The following MARCHF1 variants were observed in gnomAD, a reference collection of about 807,000 sequenced individuals.
MARCHF1 encodes the protein membrane associated ring-CH-type finger 1, also known as E3 ubiquitin-protein ligase MARCHF1.
MARCHF1 carries 40 observed loss-of-function variants against 54.2 expected under a neutral mutation model. That is an observed-to-expected ratio of 0.74 (90% confidence interval 0.57 to 0.96). The LOEUF (loss-of-function observed/expected upper bound fraction) is 0.96, where lower values mean the gene tolerates loss of function less well. Among genes scored for constraint, MARCHF1 ranks in the 40% least tolerant of loss-of-function variants. MARCHF1 has a pLI of 0.00. For synonymous variants in MARCHF1, 236 were observed against 236.3 expected (o/e 1.00, Z 0.01); for missense variants, 586 against 656.5 (o/e 0.89, Z 1.17).
chr4:164,362,057 A>G (rs1252121350), intron 1 of MARCHF1, among the ~76,000 whole-genome samples: 1 of 152,110 alleles, frequency 6.6e-6, no homozygotes, highest in Non-Finnish European at 1.5e-5. Context: ...TTTTTCCCTC[A>G]GTAAACACCA....
intron 4 of MARCHF1, among the ~76,000 whole-genome samples, chr4:163,802,873 T>C (rs555975383): frequency 6.6e-6 from 1 of 152,246 alleles, no homozygotes; most frequent in South Asian, 2.1e-4. Flanking sequence ...TTACAGAGAG[T>C]TATTATCCTG....
chr4:163,583,288 A>C (rs927168977), intron 8 of MARCHF1, among the ~76,000 whole-genome samples: 5 of 152,242 alleles, frequency 3.3e-5, no homozygotes, highest in Non-Finnish European at 5.9e-5. Flanking sequence ...ACAAATTCAC[A>C]TGGATGGAGT....
chr4:163,556,002 A>G (rs74720848), intron 8 of MARCHF1: 7,247 of 456,106 alleles, frequency 0.016, 90 homozygotes, highest in Non-Finnish European at 0.019. Flanking sequence ...AAAAGCTTTT[A>G]AAAATACCCA....
intron 1 of MARCHF1, among the ~76,000 whole-genome samples, chr4:164,135,759 CTGA>C (rs1333173676): frequency 6.6e-6 from 1 of 152,180 alleles, no homozygotes; most frequent in East Asian, 1.9e-4. Context: ...GCATTTGATA[CTGA>C]TGGAGATAAT....
intron 4 of MARCHF1, among the ~76,000 whole-genome samples, chr4:163,726,605 A>G (rs1052189666): frequency 2.6e-5 from 4 of 152,096 alleles, no homozygotes; most frequent in Non-Finnish European, 4.4e-5. Flanking sequence ...TACATTTTCA[A>G]CTCATTTGGG....
At chr4:164,194,641 T>A (rs1388369587) in intron 1 of MARCHF1, among the ~76,000 whole-genome samples, 1 of 152,120 alleles carries the variant, frequency 6.6e-6, no homozygotes. Flanking sequence ...TAATATCAAA[T>A]GTTAAGGTCA....
intron 8 of MARCHF1, among the ~76,000 whole-genome samples, chr4:163,565,973 A>C (rs1019362650): frequency 2.0e-5 from 3 of 152,238 alleles, no homozygotes; most frequent in African/African-American, 7.2e-5. Flanking sequence ...ATTTATCTAT[A>C]AAGTATTAAG....
intron 2 of MARCHF1, among the ~76,000 whole-genome samples, chr4:164,008,928 C>A (rs1268943793): frequency 4.6e-5 from 7 of 151,194 alleles, no homozygotes; most frequent in African/African-American, 1.5e-4. Context: ...GAATAAAAAA[C>A]CCAATTAGTA....
chr4:164,339,396 G>A (rs1215235212), intron 1 of MARCHF1, among the ~76,000 whole-genome samples: 2 of 152,082 alleles, frequency 1.3e-5, no homozygotes, highest in Non-Finnish European at 2.9e-5. Flanking sequence ...ACAATAATAT[G>A]AAACTAGAAA....
Position 163,527,715 on chromosome 4 carries a change from A to G in MARCHF1, c.*1033T>C, listed in dbSNP as rs1201623085. On this transcript the variant is annotated 3_prime_UTR_variant, in exon 10 of 10. Transcript: ENST00000514618. ...AAATAAAGCAGAAGCTTAGTCTCTA[A>G]TTTTACGGCTGTGCTATCCAATATA... is the stretch of plus-strand genomic sequence containing the variant. 3 of 151,902 alleles carry G rather than the reference A, an allele frequency of 2.0e-5. No homozygotes were observed. The highest frequency in any genetic ancestry group is 6.6e-5 in the Admixed American group (1 of 15,178). The allele number at this position is 151,902 out of a possible 1,614,324, so 9.4% of individuals were successfully genotyped here.
chr4:163,793,853 G>C (rs1008103861), intron 4 of MARCHF1, among the ~76,000 whole-genome samples: 10 of 152,068 alleles, frequency 6.6e-5, no homozygotes, highest in Non-Finnish European at 1.2e-4. Context: ...GACCCCCTTA[G>C]AGCTGTGAGC....
intron 1 of MARCHF1, among the ~76,000 whole-genome samples, chr4:164,333,695 T>A (rs1427897169): frequency 6.6e-6 from 1 of 152,234 alleles, no homozygotes; most frequent in African/African-American, 2.4e-5. Flanking sequence ...CAATGGCCTC[T>A]AAGTGTTTAA....
chr4:163,711,997 C>T (rs1745121467), intron 4 of MARCHF1, among the ~76,000 whole-genome samples: 1 of 152,078 alleles, frequency 6.6e-6, no homozygotes, highest in Admixed American at 6.6e-5. Context: ...CATATTTTAT[C>T]AGAGTCTGCA....
intron 4 of MARCHF1, among the ~76,000 whole-genome samples, chr4:163,702,367 C>T (rs922834196): frequency 2.6e-5 from 4 of 152,278 alleles, no homozygotes; most frequent in Non-Finnish European, 4.4e-5. Context: ...CTTTCCTTCT[C>T]AGTGAAATTT....
intron 5 of MARCHF1, among the ~76,000 whole-genome samples, chr4:163,641,877 T>C (rs1742567183): frequency 6.6e-6 from 1 of 152,154 alleles, no homozygotes; most frequent in African/African-American, 2.4e-5. Context: ...CCTAATTTCT[T>C]TGTTTTGATG....
intron 3 of MARCHF1, among the ~76,000 whole-genome samples, chr4:163,965,725 G>T (rs1752429816): frequency 6.6e-6 from 1 of 152,028 alleles, no homozygotes; most frequent in African/African-American, 2.4e-5. Context: ...AAACCAAGTT[G>T]ATCTATGTCA....
At chr4:164,020,144 C>T (rs1275670197) in intron 2 of MARCHF1, among the ~76,000 whole-genome samples, 3 of 152,168 alleles carry the variant, frequency 2.0e-5, no homozygotes, top group African/African-American at 7.2e-5. Context: ...TTATTGCCTC[C>T]AGTTCCTTCA....
rs142231262 is a variant in MARCHF1, at chr4:164,012,350, G to A, written c.-247-23641C>T. Among the ~76,000 whole-genome samples the A allele has an allele frequency of 5.3e-3, 803 of 152,172 alleles. 5 individuals are homozygous for A. Among genetic ancestry groups the A allele is most frequent in the Non-Finnish European group, 7.7e-3 (522 of 68,004 alleles). On this transcript the variant is annotated intron_variant, in intron 2 of 9. Coordinates refer to ENST00000514618, the MANE Select transcript of MARCHF1 (RefSeq NM_001394959.1). ...GTATCTTGCAACTTGGGTGCCACCT[G>A]AGCCTAAGTAAAATGAAGCATCAGG...
intron 1 of MARCHF1, among the ~76,000 whole-genome samples, chr4:164,163,912 A>AT (rs1476768365): frequency 2.0e-5 from 3 of 151,988 alleles, no homozygotes; most frequent in Admixed American, 1.3e-4. Flanking sequence ...TATATTAAAA[A>AT]TCAATAGTAC....
Sources: gnomAD v4.1 joint callset for allele counts (sites outside exome capture counted in the v4.1 genomes callset) on GRCh38, gnomAD v4.1.1 for gene constraint, MANE v1.5 for transcripts, NCBI Gene and HGNC (gene_info 2026-07-23, HGNC 2026-07-21) for gene names.